MRPS9: variants seen among roughly 807,000 people sequenced by gnomAD.
MRPS9 encodes mitochondrial ribosomal protein S9, also known as small ribosomal subunit protein uS9m.
Under a neutral mutation model 59.9 loss-of-function variants are expected in MRPS9, and 45 were observed. The observed-to-expected ratio is 0.75, with a 90% CI of 0.59 to 0.96. The LOEUF is 0.96. MRPS9 is among the 40% of genes least tolerant of loss of function. The pLI, the probability that MRPS9 is intolerant of heterozygous loss-of-function variation, is 0.00. For synonymous variants in MRPS9, 171 were observed against 166.8 expected, an observed-to-expected ratio of 1.03 and a Z score of -0.19; for missense variants, 473 against 481.1, an observed-to-expected ratio of 0.98 and a Z score of 0.16.
intron 4 of MRPS9, among the ~76,000 whole-genome samples, chr2:105,072,570 A>G (rs1360050929): frequency 2.0e-5 from 3 of 152,222 alleles, no homozygotes; most frequent in African/African-American, 4.8e-5. Context: ...GCTTGGGAGT[A>G]AACATAACTA....
Position 105,089,971 on chromosome 2 carries a change from A to T in MRPS9, c.627A>T (p.Leu209Phe). 1 of 1,609,426 alleles carries T rather than the reference A, an allele frequency of 6.2e-7. No individual in the cohort carries two copies. The highest frequency in any genetic ancestry group is 8.5e-7 in the Non-Finnish European group (1 of 1,176,678). The change falls in exon 7 of 11, where the codon TTA (leucine) becomes TTT (phenylalanine). Residue 209 changes from leucine (L) to phenylalanine (F), a missense_variant. Transcript: ENST00000258455. ...TTAAGGAGGAACTAGAAGAAATGTT[A>T]GTGGAAAAACTGTCAGATCTAGATG... ...WLIKEELEEM[L>F]VEKLSDLDYM...
chr2:105,089,880 A>C lies in MRPS9; in HGVS notation c.576-40A>C, dbSNP rs1440561885. Reference sequence around the variant, plus strand: ...TCTTTTGTGATATAACTCTAATTGCATGGCTAATTAAAAAGAGAATATATG... The same window carrying C: ...TCTTTTGTGATATAACTCTAATTGCCTGGCTAATTAAAAAGAGAATATATG... On this transcript the variant is annotated intron_variant, in intron 6 of 10. Transcript: ENST00000258455. 1.2e-5 allele frequency: 16 copies of C among 1,350,754 alleles called. No homozygotes were observed. The South Asian group carries it at 1.9e-4, about 16-fold the overall frequency. The allele number at this position is 1,350,754 out of a possible 1,614,324, so 83.7% of individuals were successfully genotyped here.
chr2:105,060,035 A>G (rs1679867617), intron 2 of MRPS9, among the ~76,000 whole-genome samples: 1 of 151,528 alleles, frequency 6.6e-6, no homozygotes, highest in Admixed American at 6.6e-5. Context: ...AAAAAAAAAA[A>G]AAAAGACCCT....
chr2:105,093,552 A>G lies in MRPS9; in HGVS notation c.843A>G (p.Ala281=). 6.3e-7 allele frequency: 1 copy of G among 1,599,222 alleles called. No individual in the cohort carries two copies. ...KSEGKRKTAK[A]EAIVYKHGSG... Reference sequence around the variant, plus strand: ...AAGGTAAAAGAAAGACTGCAAAAGCAGAAGCAATTGTTTATAAACATGGAA... The same window carrying G: ...AAGGTAAAAGAAAGACTGCAAAAGCGGAAGCAATTGTTTATAAACATGGAA... Residue 281 remains alanine, a synonymous_variant, in exon 9 of 11, where the codon GCA becomes GCG. Transcript: ENST00000258455.
rs1028833504 is a variant in MRPS9, at chr2:105,090,310, G to A, written c.651+315G>A. On this transcript the variant is annotated intron_variant, in intron 7 of 10. Coordinates refer to ENST00000258455, the MANE Select transcript of MRPS9 (RefSeq NM_182640.3). The stretch of plus-strand genomic sequence containing the variant: ...GGCAGATGTTGTTTCATCTCCTTAC[G>A]TAAGGCCAGTAGCTAATTTTACAAG... Among the ~76,000 whole-genome samples, 5 of 152,100 alleles carry A rather than the reference G, an allele frequency of 3.3e-5. 1 individual carries two copies. Among genetic ancestry groups the A allele is most frequent in the South Asian group, 4.1e-4 (2 of 4,824 alleles).
intron 2 of MRPS9, among the ~76,000 whole-genome samples, chr2:105,061,515 C>T (rs529452568): frequency 6.6e-6 from 1 of 152,274 alleles, no homozygotes; most frequent in East Asian, 1.9e-4. Flanking sequence ...TAAGATTATG[C>T]CTGGCGCTGA....
intron 4 of MRPS9, among the ~76,000 whole-genome samples, chr2:105,074,914 A>G (rs796938525): frequency 3.3e-5 from 5 of 152,316 alleles, no homozygotes; most frequent in African/African-American, 1.2e-4. Flanking sequence ...ATTCAAGCTC[A>G]TTACATTTAT....
At position 105,097,179 on chromosome 2, in the gene MRPS9, C is replaced by G; in HGVS notation, c.954C>G (p.His318Gln). 6.3e-7 allele frequency: 1 copy of G among 1,589,328 alleles called. No individual in the cohort carries two copies. The part of the protein sequence containing the change: ...QDREQLMFPF[H>Q]FVDRLGKHDV... ...GAGAACAGCTGATGTTCCCTTTCCACTTTGTTGACCGGCTGGGAAAGCACG... is the reference window on the plus strand; with the variant it reads ...GAGAACAGCTGATGTTCCCTTTCCAGTTTGTTGACCGGCTGGGAAAGCACG... The change falls in exon 10 of 11, where the codon CAC becomes CAG. Residue 318 changes from histidine to glutamine, a missense_variant. Coordinates refer to ENST00000258455, the MANE Select transcript of MRPS9 (RefSeq NM_182640.3).
intron 4 of MRPS9, among the ~76,000 whole-genome samples, chr2:105,072,531 T>C (rs1241650769): frequency 1.3e-5 from 2 of 152,216 alleles, no homozygotes; most frequent in African/African-American, 4.8e-5. Context: ...CATGTATTTA[T>C]AGAAATAAGT....
chr2:105,072,705 A>G (rs530912566), intron 4 of MRPS9, among the ~76,000 whole-genome samples: 9 of 152,176 alleles, frequency 5.9e-5, no homozygotes, highest in Non-Finnish European at 8.8e-5. Context: ...AATTGGTAAG[A>G]TAGCAGATAT....
At position 105,099,692 on chromosome 2, in the gene MRPS9, A is replaced by C; in HGVS notation, c.1122A>C (p.Pro374=). The stretch of plus-strand genomic sequence containing the variant: ...CAGCTGGACTACTTACTACTGATCC[A>C]CGTGTGAGGGAACGGAAGAAGCCAG... The part of the protein sequence containing the change: ...MRQAGLLTTD[P]RVRERKKPGQ... The change falls in exon 11 of 11, where the codon CCA becomes CCC. Residue 374 remains proline (P), a synonymous_variant. Transcript: ENST00000258455. The C allele has an allele frequency of 6.2e-7, 1 of 1,614,120 alleles. No homozygotes were observed. Among genetic ancestry groups the C allele is most frequent in the Non-Finnish European group, 8.5e-7 (1 of 1,180,026 alleles).
intron 2 of MRPS9, among the ~76,000 whole-genome samples, chr2:105,069,274 G>A (rs1446061427): frequency 9.3e-5 from 14 of 150,052 alleles, no homozygotes; most frequent in Non-Finnish European, 1.5e-5. Flanking sequence ...GCGTGCAATG[G>A]CGCGATCTCA....
At position 105,099,888 on chromosome 2, in the gene MRPS9, G is replaced by C. The variant is rs1438406856; in HGVS notation, c.*127G>C. 6.4e-6 allele frequency: 4 copies of C among 620,772 alleles called. No homozygotes were observed. Among genetic ancestry groups the C allele is most frequent in the Non-Finnish European group, 1.1e-5 (4 of 375,252 alleles). The allele number at this position is 620,772 out of a possible 1,614,324, so 38.5% of individuals were successfully genotyped here. A position where few individuals can be genotyped will look rare whatever the true frequency, so the allele number is the denominator to read the frequency against. On this transcript the variant is annotated 3_prime_UTR_variant, in exon 11 of 11. Transcript: ENST00000258455. ...AGAAATTTCTTTGAGCTGTGAGATG[G>C]ATTTATTTTTAAATGCTACTTTGTA...
At chr2:105,046,654 C>T (rs540925760) in intron 1 of MRPS9, among the ~76,000 whole-genome samples, 13 of 151,986 alleles carry the variant, frequency 8.6e-5, no homozygotes, top group Non-Finnish European at 1.3e-4. Flanking sequence ...AGGAGCCATA[C>T]GCTCCAGGAG....
In MRPS9 at chr2:105,083,750, G is replaced by A. The variant is rs1263425904; in HGVS notation, c.489+3688G>A. 5.9e-5 allele frequency among the ~76,000 whole-genome samples: 9 copies of A among 152,186 alleles called. No individual in the cohort carries two copies. In the East Asian group the frequency reaches 1.7e-3, roughly 29 times the overall value. ...AGGAATGTTACATATTGTGTACTGG[G>A]GAACTCTAATAAGGAGACACTTAGT... On this transcript the variant is annotated intron_variant, in intron 5 of 10. Coordinates refer to ENST00000258455, the MANE Select transcript of MRPS9 (RefSeq NM_182640.3).
chr2:105,061,539 G>A (rs1679904478), intron 2 of MRPS9, among the ~76,000 whole-genome samples: 3 of 152,172 alleles, frequency 2.0e-5, no homozygotes, highest in Non-Finnish European at 4.4e-5. Context: ...GCAGACTGCG[G>A]CAGATGCATT....
At chr2:105,082,494 T>A (rs1680367085) in intron 5 of MRPS9, among the ~76,000 whole-genome samples, 1 of 152,202 alleles carries the variant, frequency 6.6e-6, no homozygotes. Flanking sequence ...TATATTACGT[T>A]ATAGCAATTA....
rs372107393 is a variant in MRPS9 at position 105,092,235 on chromosome 2, A to T, written c.652-166A>T. 19 of 471,042 alleles carry T rather than the reference A, an allele frequency of 4.0e-5. 1 individual carries two copies. Among genetic ancestry groups the T allele is most frequent in the East Asian group, 2.9e-4 (9 of 31,052 alleles). 29.2% of individuals were successfully genotyped at this position (471,042 alleles called of 1,614,324 possible). On this transcript the variant is annotated intron_variant, in intron 7 of 10. Coordinates refer to ENST00000258455, the MANE Select transcript of MRPS9 (RefSeq NM_182640.3). ...GCACTAAAGATACGCAGGAAAAGTG[A>T]TGCATCTGCATGCTGTTTTAAAAGC...
chr2:105,090,028 C>G lies in MRPS9; in HGVS notation c.651+33C>G, dbSNP rs370422797. Reference sequence around the variant, plus strand: ...ATTAATCTTTTTAATTTAAGGGGACCTATGCAATAAGAATACAGACAATTG... The same window carrying G: ...ATTAATCTTTTTAATTTAAGGGGACGTATGCAATAAGAATACAGACAATTG... On this transcript the variant is annotated intron_variant, in intron 7 of 10. Coordinates refer to ENST00000258455, the MANE Select transcript of MRPS9 (RefSeq NM_182640.3). The G allele has an allele frequency of 2.4e-6, 3 of 1,275,956 alleles. No individual in the cohort carries two copies. The African/African-American group carries it at 4.5e-5, about 19-fold the overall frequency. The allele number at this position is 1,275,956 out of a possible 1,614,324, so 79.0% of individuals were successfully genotyped here.
Sources: gnomAD v4.1 joint callset for allele counts (sites outside exome capture counted in the v4.1 genomes callset) on GRCh38, gnomAD v4.1.1 for gene constraint, MANE v1.5 for transcripts, NCBI Gene and HGNC (gene_info 2026-07-23, HGNC 2026-07-21) for gene names.